The following PKNOX1 variants were observed in gnomAD, a reference collection of about 807,000 sequenced individuals.
PKNOX1 encodes the protein homeobox protein PKNOX1.
PKNOX1 carries 15 observed loss-of-function variants against 51.9 expected under a neutral mutation model. The ratio of observed to expected loss-of-function variants is 0.29; its 90% CI spans 0.19 to 0.45. The LOEUF is 0.45. PKNOX1 is among the 20% of genes least tolerant of loss of function. PKNOX1 has a pLI of 1.00. For missense variants in PKNOX1, 462 were observed against 547.5 expected (o/e 0.84, Z 1.56); for synonymous variants, 219 against 211.1 (o/e 1.04, Z -0.32).
rs1980268874 is a variant in PKNOX1 at position 43,031,483 on chromosome 21, A to C, written c.*1382A>C. ...AGGACTTCTGTTTCCTGGTAACAAG[A>C]TGAACCGAGAGAGTGGGCTGGGTTC... On this transcript the variant is annotated 3_prime_UTR_variant, in exon 11 of 11. Coordinates refer to ENST00000291547, the MANE Select transcript of PKNOX1 (RefSeq NM_004571.5). 6.6e-6 allele frequency: 1 copy of C among 152,252 alleles called. No homozygotes were observed. The highest frequency in any genetic ancestry group is 1.5e-5 in the Non-Finnish European group (1 of 68,052). 9.4% of individuals were successfully genotyped at this position (152,252 alleles called of 1,614,324 possible). A position where few individuals can be genotyped will look rare whatever the true frequency, so the allele number is the denominator to read the frequency against.
In PKNOX1 at chr21:43,016,538, A is replaced by T. The variant is rs144687364; in HGVS notation, c.523-370A>T. Among the ~76,000 whole-genome samples the T allele has an allele frequency of 2.8e-4, 43 of 152,334 alleles. No individual in the cohort carries two copies. The East Asian group carries it at 8.1e-3, about 29-fold the overall frequency. On this transcript the variant is annotated intron_variant, in intron 5 of 10. Transcript: ENST00000291547. ...TTATCGGTCAGGGAGAGCTTGGTTCATGGAAAACTCAAGAGTCCACCAAGC... is the reference window on the plus strand; with the variant it reads ...TTATCGGTCAGGGAGAGCTTGGTTCTTGGAAAACTCAAGAGTCCACCAAGC...
At chr21:42,982,668 T>A (rs1416966126) in intron 1 of PKNOX1, among the ~76,000 whole-genome samples, 1 of 146,928 alleles carries the variant, frequency 6.8e-6, no homozygotes, top group African/African-American at 2.5e-5. Context: ...GAGGTGGAGG[T>A]TATGGTGAGC....
intron 2 of PKNOX1, among the ~76,000 whole-genome samples, 184 bp downstream of exon 2, chr21:43,004,616 A>T (rs1379724339): frequency 6.6e-6 from 1 of 152,218 alleles, no homozygotes; most frequent in Non-Finnish European, 1.5e-5. Context: ...TCGTTAACTG[A>T]TACCAAGATT....
chr21:43,003,903 T>A (rs1317725692), intron 1 of PKNOX1: 1 of 157,104 alleles, frequency 6.4e-6, no homozygotes, highest in South Asian at 1.9e-4. Flanking sequence ...TTAAGGATAA[T>A]TTTTTTGTTC....
intron 1 of PKNOX1, among the ~76,000 whole-genome samples, chr21:43,001,917 C>T (rs112236922): frequency 0.092 from 13,991 of 151,800 alleles, 786 homozygotes; most frequent in Non-Finnish European, 0.12. Flanking sequence ...GCTGAGATCG[C>T]GCCACTGCAC....
chr21:43,033,389 C>A lies in PKNOX1; in HGVS notation c.*3288C>A, dbSNP rs921489682. The A allele has an allele frequency of 1.7e-4, 26 of 152,574 alleles. No homozygotes were observed. Among genetic ancestry groups the A allele is most frequent in the Non-Finnish European group, 4.4e-5 (3 of 68,018 alleles). The allele number at this position is 152,574 out of a possible 1,614,324, so 9.5% of individuals were successfully genotyped here. On this transcript the variant is annotated 3_prime_UTR_variant, in exon 11 of 11. Transcript: ENST00000291547. ...GAGGGGGTTCTGCCCCTTGTGAAGG[C>A]CCATTCCTGGCACTTAGAGACAGAA...
chr21:42,982,024 C>T (rs903860762), intron 1 of PKNOX1, among the ~76,000 whole-genome samples: 1 of 152,196 alleles, frequency 6.6e-6, no homozygotes, highest in South Asian at 2.1e-4. Context: ...TCCATCTGTA[C>T]GCTCCCCTCA....
At chr21:43,016,811 T>C in intron 5 of PKNOX1, 97 bp from the exon 6 acceptor site, 2 of 722,056 alleles carry the variant, frequency 2.8e-6, no homozygotes, top group Non-Finnish European at 4.5e-6. Flanking sequence ...TTCTCTTTCC[T>C]TTTTTAATGG....
At chr21:42,994,918 C>CTTTT (rs11361350) in intron 1 of PKNOX1, among the ~76,000 whole-genome samples, 138 of 113,534 alleles carry the variant, frequency 1.2e-3, no homozygotes, top group Middle Eastern at 5.1e-3. Context: ...TTTCTTTCTT[C>CTTTT]TTTTTTTTTT....
chr21:43,024,186 G>T (rs1428361947), intron 8 of PKNOX1, among the ~76,000 whole-genome samples: 1 of 152,166 alleles, frequency 6.6e-6, no homozygotes, highest in Non-Finnish European at 1.5e-5. Flanking sequence ...GCCGTCGATG[G>T]CATCAGCTTA....
Position 43,032,653 on chromosome 21 carries a change from C to T in PKNOX1, c.*2552C>T, listed in dbSNP as rs234737. The T allele has an allele frequency of 0.24, 37,791 of 156,032 alleles. 4,968 individuals carry two copies. Among genetic ancestry groups the T allele is most frequent in the Non-Finnish European group, 0.29 (20,512 of 70,122 alleles). The allele number at this position is 156,032 out of a possible 1,614,324, so 9.7% of individuals were successfully genotyped here. On this transcript the variant is annotated 3_prime_UTR_variant, in exon 11 of 11. Transcript: ENST00000291547. ...TAAAAAGAGAGCACTGCCTGAACCT[C>T]GGTGGCACTGGGAAGCTCTGGCCTG...
At chr21:43,010,970 G>A (rs1486493008) in intron 4 of PKNOX1, among the ~76,000 whole-genome samples, 1 of 152,158 alleles carries the variant, frequency 6.6e-6, no homozygotes, top group Non-Finnish European at 1.5e-5. Context: ...CCGTAGGGCT[G>A]GGGTGTTCGG....
chr21:43,006,567 T>C (rs1453659453), intron 2 of PKNOX1, among the ~76,000 whole-genome samples: 1 of 152,134 alleles, frequency 6.6e-6, no homozygotes, highest in East Asian at 1.9e-4. Context: ...GGCAGCAGAA[T>C]AGAAGTCATC....
chr21:43,020,965 T>C (rs1979725956), intron 7 of PKNOX1, among the ~76,000 whole-genome samples: 1 of 152,124 alleles, frequency 6.6e-6, no homozygotes, highest in Non-Finnish European at 1.5e-5. Context: ...AGAAATTAGC[T>C]GGGTGTGGTG....
intron 9 of PKNOX1, among the ~76,000 whole-genome samples, chr21:43,028,329 G>T (rs1187338239): frequency 6.6e-6 from 1 of 152,048 alleles, no homozygotes; most frequent in African/African-American, 2.4e-5. Context: ...ACTACAGAAA[G>T]TCTTGCTTCT....
At chr21:43,025,943 C>A (rs1190171756) in intron 9 of PKNOX1, among the ~76,000 whole-genome samples, 1 of 152,166 alleles carries the variant, frequency 6.6e-6, no homozygotes, top group African/African-American at 2.4e-5. Flanking sequence ...ACAGACTATA[C>A]TATTTGCGTT....
At chr21:42,988,318 G>A (rs1263889676) in intron 1 of PKNOX1, among the ~76,000 whole-genome samples, 2 of 152,148 alleles carry the variant, frequency 1.3e-5, no homozygotes, top group African/African-American at 2.4e-5. Context: ...CAAACTGCTG[G>A]GATTACAGGC....
intron 1 of PKNOX1, among the ~76,000 whole-genome samples, chr21:42,994,915 CTTCT>C (rs1978424285): frequency 4.7e-5 from 5 of 106,814 alleles, no homozygotes; most frequent in South Asian, 6.4e-4. Flanking sequence ...CTTTTTCTTT[CTTCT>C]TTTTTTTTTT....
At chr21:42,998,260 G>A (rs1978597106) in intron 1 of PKNOX1, among the ~76,000 whole-genome samples, 2 of 152,090 alleles carry the variant, frequency 1.3e-5, no homozygotes, top group South Asian at 4.2e-4. Context: ...AGATCTTGTG[G>A]GACTTATTCG....
Sources: allele counts gnomAD v4.1 joint callset (sites outside exome capture counted in the v4.1 genomes callset), GRCh38; gene constraint gnomAD v4.1.1; transcripts MANE v1.5; gene names NCBI Gene and HGNC (gene_info 2026-07-23, HGNC 2026-07-21).